Variants in OXR1 observed in about 807,000 individuals in gnomAD.
The protein encoded by OXR1 is oxidation resistance 1, also known as oxidation resistance protein 1.
In OXR1, 41 loss-of-function variants were observed where a neutral mutation model predicts 104.6. The ratio of observed to expected loss-of-function variants is 0.39; its 90% CI spans 0.31 to 0.51. The LOEUF is 0.51. Among genes scored for constraint, OXR1 ranks in the 20% least tolerant of loss-of-function variants. The pLI, the probability that OXR1 is intolerant of heterozygous loss-of-function variation, is 0.77. For missense variants in OXR1, 955 were observed against 1,031.9 expected (o/e 0.93, Z 1.02); for synonymous variants, 348 against 348.4 (o/e 1.00, Z 0.01).
intron 2 of OXR1, among the ~76,000 whole-genome samples, chr8:106,423,491 A>C (rs759006156): frequency 2.0e-5 from 3 of 152,206 alleles, no homozygotes. Flanking sequence ...ATTTGAAAAA[A>C]ATAAATGGGC....
In OXR1 at chr8:106,599,244, A is replaced by T. The variant is rs137893662; in HGVS notation, c.221-79966A>T. On this transcript the variant is annotated intron_variant, in intron 3 of 16. Coordinates refer to ENST00000517566, the MANE Select transcript of OXR1 (RefSeq NM_001198533.2). ...TATTTCTTTTAACAGAAGCTAATGC[A>T]GCACCTCAGATGGTGAAAACTGGTG... Among the ~76,000 whole-genome samples, 422 of 152,326 alleles carry T rather than the reference A, an allele frequency of 2.8e-3. 2 individuals are homozygous for T. The highest frequency in any genetic ancestry group is 3.8e-3 in the Non-Finnish European group (261 of 68,026).
At chr8:106,615,947 T>C (rs1458324372) in intron 3 of OXR1, among the ~76,000 whole-genome samples, 1 of 151,966 alleles carries the variant, frequency 6.6e-6, no homozygotes, top group Non-Finnish European at 1.5e-5. Context: ...TACTTTAATG[T>C]AGTAGAATGG....
At chr8:106,404,257 G>A (rs1425005324) in intron 2 of OXR1, among the ~76,000 whole-genome samples, 1 of 152,050 alleles carries the variant, frequency 6.6e-6, no homozygotes, top group Non-Finnish European at 1.5e-5. Context: ...CTACTGAACA[G>A]GGGGAGACTT....
rs1348218841 is a variant in OXR1 at position 106,371,354 on chromosome 8, G to T, written c.23+11718G>T. Among the ~76,000 whole-genome samples the T allele has an allele frequency of 1.1e-4, 16 of 151,856 alleles. 1 individual carries two copies. The highest frequency in any genetic ancestry group is 9.8e-4 in the Admixed American group (15 of 15,238). ...TTTTTCAAAAAAAAAGCAGCTTCTG[G>T]ATTCATTGATTTTTTTGGAGGGTTT... On this transcript the variant is annotated intron_variant, in intron 2 of 16. Coordinates refer to ENST00000517566, the MANE Select transcript of OXR1 (RefSeq NM_001198533.2).
At chr8:106,402,486 A>G (rs1239320829) in intron 2 of OXR1, among the ~76,000 whole-genome samples, 1 of 152,214 alleles carries the variant, frequency 6.6e-6, no homozygotes, top group African/African-American at 2.4e-5. Flanking sequence ...ACCACAAGAT[A>G]GGTTCAGGGA....
At chr8:106,624,735 T>C (rs1473056811) in intron 3 of OXR1, among the ~76,000 whole-genome samples, 2 of 152,164 alleles carry the variant, frequency 1.3e-5, no homozygotes, top group African/African-American at 4.8e-5. Context: ...TTGACATACA[T>C]TCGCATTTTA....
intron 2 of OXR1, among the ~76,000 whole-genome samples, chr8:106,511,647 AT>A (rs1158335247): frequency 2.0e-5 from 3 of 152,226 alleles, no homozygotes; most frequent in Non-Finnish European, 2.9e-5. Flanking sequence ...TTTCTGTGGA[AT>A]TTTATACACT....
intron 3 of OXR1, among the ~76,000 whole-genome samples, chr8:106,600,757 C>T (rs3134118): frequency 0.35 from 53,874 of 151,950 alleles, 10,090 homozygotes; most frequent in African/African-American, 0.47. Flanking sequence ...TTCTATGGCT[C>T]ATGTCATATA....
At chr8:106,684,535 A>T (rs571699162) in intron 6 of OXR1, among the ~76,000 whole-genome samples, 176 bp downstream of exon 6, 5 of 152,328 alleles carry the variant, frequency 3.3e-5, no homozygotes, top group African/African-American at 1.2e-4. Context: ...ATGAAACCAT[A>T]TAGCTTAAAT....
chr8:106,702,751 G>A (rs761921827), intron 7 of OXR1, among the ~76,000 whole-genome samples, 155 bp from the exon 8 acceptor site: 32 of 152,096 alleles, frequency 2.1e-4, no homozygotes, highest in Non-Finnish European at 2.5e-4. Context: ...GAAAACTTGG[G>A]TTTTAATAAA....
At chr8:106,597,451 A>G (rs998764589) in intron 3 of OXR1, among the ~76,000 whole-genome samples, 10 of 152,194 alleles carry the variant, frequency 6.6e-5, no homozygotes, top group Admixed American at 3.9e-4. Context: ...ATTTTATGAT[A>G]TTTTTGTTAT....
intron 2 of OXR1, among the ~76,000 whole-genome samples, chr8:106,388,737 T>C (rs1341857228): frequency 1.3e-5 from 2 of 152,232 alleles, no homozygotes; most frequent in African/African-American, 4.8e-5. Flanking sequence ...GTTCTTTAAG[T>C]TGAGCTTCAA....
intron 3 of OXR1, among the ~76,000 whole-genome samples, chr8:106,600,658 G>A (rs1357019017): frequency 6.6e-6 from 1 of 152,154 alleles, no homozygotes. Context: ...CCCTGTTGAG[G>A]ATTATAATGC....
intron 2 of OXR1, among the ~76,000 whole-genome samples, chr8:106,483,031 T>G (rs965159): frequency 0.095 from 14,502 of 152,078 alleles, 783 homozygotes; most frequent in African/African-American, 0.14. Context: ...CTTGGTCATC[T>G]GACTCCATAG....
rs969092491 is a variant in OXR1, at chr8:106,359,759, T to G, written c.23+123T>G. On this transcript the variant is annotated intron_variant, in intron 2 of 16. Coordinates refer to ENST00000517566, the MANE Select transcript of OXR1 (RefSeq NM_001198533.2). ...AACTTAAAAATCTGGTTTCCAAAGA[T>G]TATTGTCCCATGTTAGCGTAAAGAA... 6 of 728,386 alleles carry G rather than the reference T, an allele frequency of 8.2e-6. No homozygotes were observed. In the African/African-American group the frequency reaches 1.1e-4, roughly 13 times the overall value. The allele number at this position is 728,386 out of a possible 1,614,324, so 45.1% of individuals were successfully genotyped here.
chr8:106,644,162 C>T (rs560597831), intron 3 of OXR1, among the ~76,000 whole-genome samples: 24 of 152,306 alleles, frequency 1.6e-4, no homozygotes, highest in Middle Eastern at 3.4e-3. Flanking sequence ...ACTCCGCATT[C>T]TCCCCATTTT....
At chr8:106,410,825 T>A (rs1031759745) in intron 2 of OXR1, among the ~76,000 whole-genome samples, 1 of 152,174 alleles carries the variant, frequency 6.6e-6, no homozygotes, top group Non-Finnish European at 1.5e-5. Flanking sequence ...CTATTTTGTA[T>A]TAAACTCAAA....
chr8:106,506,493 G>A (rs1812173441), intron 2 of OXR1, among the ~76,000 whole-genome samples: 1 of 151,990 alleles, frequency 6.6e-6, no homozygotes, highest in South Asian at 2.1e-4. Context: ...GGCACCTGTA[G>A]TCCCAGCTAC....
At chr8:106,438,613 T>C (rs2167800) in intron 2 of OXR1, among the ~76,000 whole-genome samples, 34,389 of 152,026 alleles carry the variant, frequency 0.23, 5,403 homozygotes, top group African/African-American at 0.42. Context: ...CTGATATTCA[T>C]TTTTATCATC....
Sources: gnomAD v4.1 joint callset for allele counts (sites outside exome capture counted in the v4.1 genomes callset) on GRCh38, gnomAD v4.1.1 for gene constraint, MANE v1.5 for transcripts, NCBI Gene and HGNC (gene_info 2026-07-23, HGNC 2026-07-21) for gene names.